The following LAMA2 variants were observed in gnomAD, a reference collection of about 807,000 sequenced individuals.
LAMA2 encodes laminin subunit alpha 2.
In LAMA2, 269 loss-of-function variants were observed where a neutral mutation model predicts 364.8. The observed-to-expected ratio is 0.74, with a 90% CI of 0.67 to 0.82. The LOEUF is 0.82. Ranked by LOEUF, LAMA2 falls within the 40% of genes least tolerant of loss-of-function variation. LAMA2 has a pLI of 0.00. For synonymous variants in LAMA2, 1,379 were observed against 1,370.6 expected (o/e 1.01, Z -0.14); for missense variants, 3,807 against 3,873.2 (o/e 0.98, Z 0.45).
chr6:129,339,248 A>G (rs746323507), intron 29 of LAMA2, among the ~76,000 whole-genome samples: 14 of 152,214 alleles, frequency 9.2e-5, no homozygotes, highest in Non-Finnish European at 1.5e-4. Flanking sequence ...ACAGAGAGTA[A>G]TAGACTCATG....
At chr6:129,217,529 T>G (rs776958287) in intron 12 of LAMA2, among the ~76,000 whole-genome samples, 1 of 152,182 alleles carries the variant, frequency 6.6e-6, no homozygotes. Flanking sequence ...ACAAAGGATA[T>G]TTCTCCTATA....
chr6:129,337,830 C>T (rs1776041081), intron 29 of LAMA2, among the ~76,000 whole-genome samples: 1 of 151,998 alleles, frequency 6.6e-6, no homozygotes, highest in Non-Finnish European at 1.5e-5. Flanking sequence ...TCTCATTAGG[C>T]ATCCAAAATA....
At chr6:128,922,622 G>A (rs1778812149) in intron 1 of LAMA2, among the ~76,000 whole-genome samples, 1 of 151,886 alleles carries the variant, frequency 6.6e-6, no homozygotes, top group African/African-American at 2.4e-5. Flanking sequence ...TTTGTCAGAT[G>A]AGCAGGTTGC....
intron 48 of LAMA2, 133 bp from the exon 49 acceptor site, chr6:129,460,067 T>C: frequency 3.5e-6 from 3 of 850,434 alleles, no homozygotes; most frequent in Non-Finnish European, 5.9e-6. Flanking sequence ...AAGATGAATA[T>C]GTACATATGC....
At chr6:129,046,861 T>A (rs983129392) in intron 1 of LAMA2, among the ~76,000 whole-genome samples, 1 of 152,184 alleles carries the variant, frequency 6.6e-6, no homozygotes, top group Non-Finnish European at 1.5e-5. Flanking sequence ...TATTTCTCCT[T>A]GAAAATTCAG....
intron 12 of LAMA2, among the ~76,000 whole-genome samples, chr6:129,236,783 T>C (rs1785025178): frequency 6.6e-6 from 1 of 152,132 alleles, no homozygotes; most frequent in African/African-American, 2.4e-5. Context: ...CCTCATCTTA[T>C]ACAAGTGGAA....
Position 129,478,766 on chromosome 6 carries a change from C to T in LAMA2, c.7525C>T (p.Leu2509Phe), listed in dbSNP as rs1028858920. The T allele has an allele frequency of 3.9e-5, 63 of 1,612,208 alleles. No homozygotes were observed. The highest frequency in any genetic ancestry group is 4.5e-5 in the East Asian group (2 of 44,872). Residue 2509 changes from leucine (L) to phenylalanine (F), a missense_variant, in exon 54 of 65, where the codon CTC becomes TTC. Physicochemically the swap from Leu to Phe is conservative, Grantham distance 22. Around this residue, in one of 3 missense-constraint regions of LAMA2, gnomAD observed 3,333 missense variants for 3,345.7 expected, o/e 1.00. Transcript: ENST00000421865. ...IEISRTPYNI[L>F]SSPDYVGVTK... Reference sequence around the variant, plus strand: ...AATTTCAAGAACTCCGTACAATATACTCAGTAGTCCCGATTATGTTGGTGT... The same window carrying T: ...AATTTCAAGAACTCCGTACAATATATTCAGTAGTCCCGATTATGTTGGTGT...
chr6:129,395,990 A>C (rs962874344), intron 37 of LAMA2, among the ~76,000 whole-genome samples: 1 of 152,226 alleles, frequency 6.6e-6, no homozygotes, highest in Non-Finnish European at 1.5e-5. Context: ...AGAGAATCGC[A>C]TTGTGAGACT....
intron 1 of LAMA2, among the ~76,000 whole-genome samples, chr6:128,942,047 A>G (rs1344676229): frequency 6.6e-6 from 1 of 152,234 alleles, no homozygotes; most frequent in African/African-American, 2.4e-5. Flanking sequence ...AGCTCAGAAA[A>G]CAATTCCAAG....
rs772666610 is a variant in LAMA2, at chr6:129,059,892, A to G, written c.392A>G (p.Gln131Arg). ...TATGTGACAATTACCCTGGATTTAC[A>G]GCAGGTATAGTTCCTCTTTTTTTGT... ...YHYVTITLDL[Q>R]QVFQIAYVIV... The change falls in exon 3 of 65, where the codon CAG becomes CGG. Residue 131 changes from glutamine (Q) to arginine (R), a missense_variant. Gln to Arg is a conservative substitution (Grantham distance 43). This residue lies in a region of LAMA2 where 394 missense variants were observed against 403.5 expected (regional missense o/e 0.98). Transcript: ENST00000421865. 2 of 1,493,788 alleles carry G rather than the reference A, an allele frequency of 1.3e-6. No individual in the cohort carries two copies. Among genetic ancestry groups the G allele is most frequent in the South Asian group, 2.3e-5 (2 of 88,786 alleles). The allele number at this position is 1,493,788 out of a possible 1,614,324, so 92.5% of individuals were successfully genotyped here.
intron 1 of LAMA2, among the ~76,000 whole-genome samples, chr6:129,026,552 G>A (rs575117110): frequency 5.1e-4 from 78 of 152,244 alleles, no homozygotes; most frequent in African/African-American, 1.6e-3. Flanking sequence ...TTGTGAGTGG[G>A]ATACTTTAAC....
rs1562324560 is a variant in LAMA2, at chr6:129,200,345, T to TATATAC, written c.1782+7492_1782+7493insATATAC. On this transcript the variant is annotated intron_variant, in intron 12 of 64. Transcript: ENST00000421865. ...GTACACATATACATATACACGTATA[T>TATATAC]GTGTACACATATACATATACACGTG... Among the ~76,000 whole-genome samples, 27 of 124,456 alleles carry TATATAC rather than the reference T, an allele frequency of 2.2e-4. 1 individual carries two copies. Among genetic ancestry groups the TATATAC allele is most frequent in the African/African-American group, 6.6e-4 (24 of 36,252 alleles). The allele number at this position is 124,456 out of a possible 152,430, so 81.6% of individuals were successfully genotyped here. A position where few individuals can be genotyped will look rare whatever the true frequency, so the allele number is the denominator to read the frequency against.
At chr6:128,934,451 A>C (rs1779688041) in intron 1 of LAMA2, among the ~76,000 whole-genome samples, 1 of 151,894 alleles carries the variant, frequency 6.6e-6, no homozygotes. Context: ...TAATTATTAA[A>C]ATTCTTATTC....
intron 1 of LAMA2, among the ~76,000 whole-genome samples, chr6:129,048,286 T>C (rs1195710345): frequency 1.3e-5 from 2 of 152,104 alleles, no homozygotes; most frequent in African/African-American, 2.4e-5. Flanking sequence ...GCCTACTCTG[T>C]CCCTACTATG....
At chr6:129,025,175 T>G (rs1399580370) in intron 1 of LAMA2, among the ~76,000 whole-genome samples, 4 of 152,180 alleles carry the variant, frequency 2.6e-5, no homozygotes, top group Non-Finnish European at 5.9e-5. Context: ...CAATTGAGGT[T>G]TTATAAAATG....
At chr6:129,181,833 T>C (rs1299412943) in intron 10 of LAMA2, among the ~76,000 whole-genome samples, 1 of 151,694 alleles carries the variant, frequency 6.6e-6, no homozygotes, top group East Asian at 1.9e-4. Context: ...CTATTATAAA[T>C]CCTCAGTTTG....
intron 4 of LAMA2, among the ~76,000 whole-genome samples, chr6:129,119,467 T>C (rs1026109061): frequency 2.0e-5 from 3 of 152,014 alleles, no homozygotes; most frequent in Admixed American, 1.3e-4. Flanking sequence ...TTAATACTTA[T>C]GTAAATAAAT....
rs190223625 is a variant in LAMA2 at position 129,044,801 on chromosome 6, G to A, written c.113-5117G>A. On this transcript the variant is annotated intron_variant, in intron 1 of 64. Transcript: ENST00000421865. ...TGTCATTAACATTACAGGACCTTAAGTTGAGTTAAGAAGATGTAAGTCAAT... is the reference window on the plus strand; with the variant it reads ...TGTCATTAACATTACAGGACCTTAAATTGAGTTAAGAAGATGTAAGTCAAT... Among the ~76,000 whole-genome samples the A allele has an allele frequency of 1.2e-3, 184 of 152,140 alleles. 1 individual carries two copies. The highest frequency in any genetic ancestry group is 4.2e-3 in the African/African-American group (175 of 41,534).
At chr6:129,197,202 A>C (rs1292098460) in intron 12 of LAMA2, among the ~76,000 whole-genome samples, 1 of 152,186 alleles carries the variant, frequency 6.6e-6, no homozygotes, top group African/African-American at 2.4e-5. Flanking sequence ...GACCTTGCAA[A>C]GCTGTCTCTT....
Sources: allele counts gnomAD v4.1 joint callset (sites outside exome capture counted in the v4.1 genomes callset), GRCh38; gene constraint gnomAD v4.1.1; regional missense constraint gnomAD v4.1.1; transcripts MANE v1.5; gene names NCBI Gene and HGNC (gene_info 2026-07-23, HGNC 2026-07-21).